Variants in SHANK2 observed in about 807,000 individuals in gnomAD.
The protein encoded by SHANK2 is SH3 and multiple ankyrin repeat domains protein 2.
In SHANK2, 43 loss-of-function variants were observed where a neutral mutation model predicts 133.7. The observed-to-expected ratio is 0.32, with a 90% CI of 0.25 to 0.41. SHANK2 has a LOEUF of 0.41. Among genes scored for constraint, SHANK2 ranks in the 10% least tolerant of loss-of-function variants. SHANK2 has a pLI of 1.00. For synonymous variants in SHANK2, 1,017 were observed against 952.8 expected, an observed-to-expected ratio of 1.07 and a Z score of -1.24; for missense variants, 1,994 against 2,235.8, an observed-to-expected ratio of 0.89 and a Z score of 2.18.
chr11:70,572,093 C>T (rs1554983205), intron 17 of SHANK2, among the ~76,000 whole-genome samples: 1 of 152,228 alleles, frequency 6.6e-6, no homozygotes, highest in East Asian at 1.9e-4. Context: ...AGGGACAGGC[C>T]CTCGCCAGAA....
At position 71,248,545 on chromosome 11, in the gene SHANK2, C is replaced by T. The variant is rs965434818; in HGVS notation, c.-113+3880G>A. 2.0e-5 allele frequency among the ~76,000 whole-genome samples: 3 copies of T among 152,176 alleles called. No homozygotes were observed. The East Asian group carries it at 5.8e-4, about 29-fold the overall frequency. On this transcript the variant is annotated intron_variant, in intron 1 of 25. Transcript: ENST00000601538. ...CTGTGAAATGGGAATCGTAATGAAT[C>T]GGAGCTGGCTCATTGGACTTCTGAG...
chr11:70,516,800 G>A (rs188786149), intron 17 of SHANK2, among the ~76,000 whole-genome samples: 4 of 152,342 alleles, frequency 2.6e-5, no homozygotes, highest in African/African-American at 7.2e-5. Flanking sequence ...TGGGCATGGT[G>A]GCTCATGCTT....
intron 2 of SHANK2, among the ~76,000 whole-genome samples, chr11:71,172,597 C>CAAAAAAAAAAAAAAAAAAAAAA (rs10623588): frequency 9.3e-6 from 1 of 107,298 alleles, no homozygotes; most frequent in Admixed American, 9.4e-5. Context: ...GACTCTGTCT[C>CAAAAAAAAAAAAAAAAAAAAAA]AAAAAAAAAA....
chr11:70,752,722 T>G (rs1555037676), intron 14 of SHANK2, among the ~76,000 whole-genome samples: 1 of 80,036 alleles, frequency 1.2e-5, no homozygotes, highest in Non-Finnish European at 2.5e-5. Flanking sequence ...AAAAAAAAAA[T>G]CAATTCACCA....
chr11:70,490,578 C>T (rs1466823264), intron 22 of SHANK2, among the ~76,000 whole-genome samples, 191 bp from the exon 23 acceptor site: 1 of 152,246 alleles, frequency 6.6e-6, no homozygotes, highest in Non-Finnish European at 1.5e-5. Context: ...TCTCTAGGTG[C>T]CTTTCCTATT....
At chr11:70,908,094 T>TA in intron 10 of SHANK2, 1 of 219,088 alleles carries the variant, frequency 4.6e-6, no homozygotes, top group South Asian at 5.4e-5. Context: ...AGAGTCCATC[T>TA]CAAAAAAAAA....
intron 10 of SHANK2, among the ~76,000 whole-genome samples, chr11:70,898,069 T>C (rs1051122915): frequency 6.6e-6 from 1 of 151,764 alleles, no homozygotes; most frequent in African/African-American, 2.4e-5. Context: ...CTCAAGTGAT[T>C]CTTGTGCCTC....
intron 10 of SHANK2, among the ~76,000 whole-genome samples, chr11:70,932,050 A>G (rs1950511568): frequency 6.6e-6 from 1 of 152,198 alleles, no homozygotes; most frequent in Non-Finnish European, 1.5e-5. Flanking sequence ...CATAATCTCT[A>G]TGATACGGTA....
chr11:70,498,892 C>A (rs1270932130), intron 21 of SHANK2, among the ~76,000 whole-genome samples: 2 of 152,150 alleles, frequency 1.3e-5, no homozygotes, highest in East Asian at 3.9e-4. Flanking sequence ...ATTTAGGGCC[C>A]ACCCGAGTCC....
chr11:70,896,660 G>C, intron 10 of SHANK2, 93 bp from the exon 11 acceptor site: 4 of 667,812 alleles, frequency 6.0e-6, no homozygotes, highest in Non-Finnish European at 1.1e-5. Context: ...AACACCAAAA[G>C]AAGTCCAATC....
intron 11 of SHANK2, among the ~76,000 whole-genome samples, chr11:70,825,636 G>A (rs1170294861): frequency 6.6e-6 from 1 of 152,090 alleles, no homozygotes; most frequent in Non-Finnish European, 1.5e-5. Context: ...AAATTTCTTT[G>A]GTGTTTATTT....
chr11:70,640,591 C>G (rs1002974359), intron 17 of SHANK2, among the ~76,000 whole-genome samples: 1 of 152,222 alleles, frequency 6.6e-6, no homozygotes, highest in Non-Finnish European at 1.5e-5. Flanking sequence ...GAGGACTGCA[C>G]GAAGCTGAGG....
In SHANK2 at chr11:70,490,352, C is replaced by T. The variant is rs367565863; in HGVS notation, c.2475G>A (p.Thr825=). The change falls in exon 23 of 26, where the codon ACG becomes ACA. Residue 825 remains threonine (T), a synonymous_variant. Coordinates refer to ENST00000601538, the MANE Select transcript of SHANK2 (RefSeq NM_012309.5). ...VYERQGIAVM[T]PTVPGSPKAP... ...CTTTTGGGCTCCCAGGAACAGTGGG[C>T]GTCATCACGGCGATTCCTTGGCGTT... The T allele has an allele frequency of 5.0e-6, 8 of 1,614,196 alleles. No homozygotes were observed. Among genetic ancestry groups the T allele is most frequent in the South Asian group, 4.4e-5 (4 of 91,090 alleles).
chr11:70,563,537 C>T (rs1410916697), intron 17 of SHANK2, among the ~76,000 whole-genome samples: 2 of 66,222 alleles, frequency 3.0e-5, no homozygotes, highest in Non-Finnish European at 2.8e-5. Flanking sequence ...CATCTGTGGT[C>T]ACTTTTTTTT....
intron 17 of SHANK2, among the ~76,000 whole-genome samples, chr11:70,540,768 G>A (rs555542913): frequency 1.4e-3 from 215 of 151,492 alleles, no homozygotes; most frequent in Middle Eastern, 3.4e-3. Context: ...CCAGCCACTC[G>A]GGAGGCTGAG....
At chr11:70,678,771 G>T (rs1944961884) in intron 15 of SHANK2, among the ~76,000 whole-genome samples, 1 of 151,938 alleles carries the variant, frequency 6.6e-6, no homozygotes, top group South Asian at 2.1e-4. Context: ...TCAAATTCCT[G>T]ACCTTGTGAT....
At chr11:70,844,125 C>T (rs1158661727) in intron 11 of SHANK2, among the ~76,000 whole-genome samples, 3 of 152,208 alleles carry the variant, frequency 2.0e-5, no homozygotes, top group Non-Finnish European at 2.9e-5. Flanking sequence ...ACCCAGCCCT[C>T]GCCTGGCTTC....
rs1555098849 is a variant in SHANK2, at chr11:71,110,098, A to T, written c.484-49T>A. 5 of 1,351,852 alleles carry T rather than the reference A, an allele frequency of 3.7e-6. 1 individual carries two copies. Among genetic ancestry groups the T allele is most frequent in the Admixed American group, 3.9e-5 (2 of 50,648 alleles). 83.7% of individuals were successfully genotyped at this position (1,351,852 alleles called of 1,614,324 possible). On this transcript the variant is annotated intron_variant, in intron 5 of 25. Coordinates refer to ENST00000601538, the MANE Select transcript of SHANK2 (RefSeq NM_012309.5). ...GAAACATCTTTATAAGAAATGTCCC[A>T]ACCTGAGCAACAAAGTGAGACCCCG... is the stretch of plus-strand genomic sequence containing the variant.
intron 14 of SHANK2, among the ~76,000 whole-genome samples, chr11:70,794,217 T>C (rs1244284739): frequency 6.6e-6 from 1 of 150,452 alleles, no homozygotes; most frequent in Non-Finnish European, 1.5e-5. Context: ...GGAGTGGGAG[T>C]TTGCAGTGAG....
Sources: gnomAD v4.1 joint callset for allele counts (sites outside exome capture counted in the v4.1 genomes callset) on GRCh38, gnomAD v4.1.1 for gene constraint, MANE v1.5 for transcripts, NCBI Gene and HGNC (gene_info 2026-07-23, HGNC 2026-07-21) for gene names.